Variants in GPR39 observed in about 807,000 individuals in gnomAD.
GPR39 encodes the protein G protein-coupled receptor 39, also known as zinc sensing receptor.
GPR39 carries 23 observed loss-of-function variants against 18.4 expected under a neutral mutation model. The ratio of observed to expected loss-of-function variants is 1.25; its 90% CI spans 0.90 to 1.77. The LOEUF (loss-of-function observed/expected upper bound fraction) is 1.77. Ranked by LOEUF, GPR39 falls within the 40% of genes most tolerant of loss-of-function variation. The probability of loss-of-function intolerance (pLI) is 0.00; values close to 1 mark genes in which losing one functional copy is unlikely to be tolerated. For missense variants in GPR39, 647 were observed against 602.4 expected, an observed-to-expected ratio of 1.07 and a Z score of -0.78; for synonymous variants, 280 against 257.9, an observed-to-expected ratio of 1.09 and a Z score of -0.82.
chr2:132,545,957 A>G (rs954313217), intron 1 of GPR39, among the ~76,000 whole-genome samples: 7 of 152,210 alleles, frequency 4.6e-5, no homozygotes, highest in African/African-American at 1.7e-4. Flanking sequence ...AGAGGCTAGC[A>G]GACGAAGCGA....
chr2:132,482,967 C>T (rs1246319169), intron 1 of GPR39, among the ~76,000 whole-genome samples: 1 of 152,130 alleles, frequency 6.6e-6, no homozygotes, highest in Non-Finnish European at 1.5e-5. Context: ...AATATCCCTG[C>T]ACTGTGCACG....
chr2:132,470,202 C>A (rs1681004677), intron 1 of GPR39, among the ~76,000 whole-genome samples: 1 of 152,162 alleles, frequency 6.6e-6, no homozygotes, highest in Non-Finnish European at 1.5e-5. Context: ...AACATCCTTC[C>A]AGTTAGTGGT....
In GPR39 at chr2:132,635,408, C is replaced by T. The variant is rs1213693107; in HGVS notation, c.857-9693C>T. On this transcript the variant is annotated intron_variant, in intron 1 of 1. Coordinates refer to ENST00000329321, the MANE Select transcript of GPR39 (RefSeq NM_001508.3). Reference sequence around the variant, plus strand: ...AGTAGGAATGAACATTCTTGGTGAACTCATAGAAGGGAACTTGATGTAGAC... The same window carrying T: ...AGTAGGAATGAACATTCTTGGTGAATTCATAGAAGGGAACTTGATGTAGAC... Among the ~76,000 whole-genome samples, 4 of 152,140 alleles carry T rather than the reference C, an allele frequency of 2.6e-5. No individual in the cohort carries two copies. In the South Asian group the frequency reaches 6.2e-4, roughly 24 times the overall value.
chr2:132,612,625 C>T (rs988216305), intron 1 of GPR39, among the ~76,000 whole-genome samples: 1 of 152,212 alleles, frequency 6.6e-6, no homozygotes, highest in Non-Finnish European at 1.5e-5. Flanking sequence ...TCTAAAGTGT[C>T]ACTGTGCCAT....
intron 1 of GPR39, among the ~76,000 whole-genome samples, chr2:132,620,086 C>T (rs1250288407): frequency 6.6e-6 from 1 of 152,218 alleles, no homozygotes; most frequent in Non-Finnish European, 1.5e-5. Flanking sequence ...GTCCCCATGC[C>T]TCAGTCAGCT....
intron 1 of GPR39, among the ~76,000 whole-genome samples, chr2:132,596,236 A>G (rs905883473): frequency 6.6e-6 from 1 of 152,098 alleles, no homozygotes; most frequent in Admixed American, 6.5e-5. Flanking sequence ...AACAGGTTGC[A>G]TGTGTTTGTT....
chr2:132,422,759 A>G (rs12471496), intron 1 of GPR39, among the ~76,000 whole-genome samples: 33,323 of 151,920 alleles, frequency 0.22, 3,999 homozygotes, highest in African/African-American at 0.27. Context: ...TCAGCCTGGC[A>G]GACAAATATA....
chr2:132,638,496 G>A (rs1052154564), intron 1 of GPR39, among the ~76,000 whole-genome samples: 1 of 152,184 alleles, frequency 6.6e-6, no homozygotes, highest in African/African-American at 2.4e-5. Context: ...GAATTTGCAT[G>A]TCTAAGAAGT....
At chr2:132,449,899 T>C (rs921919904) in intron 1 of GPR39, among the ~76,000 whole-genome samples, 1 of 152,190 alleles carries the variant, frequency 6.6e-6, no homozygotes, top group Admixed American at 6.5e-5. Flanking sequence ...TTACATCTCC[T>C]ACACCTTCTA....
intron 1 of GPR39, among the ~76,000 whole-genome samples, chr2:132,421,226 C>CA (rs1285253134): frequency 6.6e-6 from 1 of 152,182 alleles, no homozygotes; most frequent in Non-Finnish European, 1.5e-5. Context: ...GAGTTGTTCT[C>CA]AATGCAGATA....
intron 1 of GPR39, among the ~76,000 whole-genome samples, chr2:132,493,505 CAT>C (rs5834316): frequency 0.48 from 63,056 of 130,372 alleles, 17,236 homozygotes; most frequent in Non-Finnish European, 0.6. Flanking sequence ...ATATATACAC[CAT>C]ATATATATAT....
chr2:132,620,795 C>G (rs964104368), intron 1 of GPR39, among the ~76,000 whole-genome samples: 11 of 152,104 alleles, frequency 7.2e-5, no homozygotes, highest in Non-Finnish European at 1.0e-4. Flanking sequence ...CTCTGTCACC[C>G]AGGCTGGAGT....
At chr2:132,551,421 T>A (rs1288612151) in intron 1 of GPR39, among the ~76,000 whole-genome samples, 1 of 152,198 alleles carries the variant, frequency 6.6e-6, no homozygotes, top group Non-Finnish European at 1.5e-5. Context: ...CCCCAGGGCT[T>A]GACACATAAT....
At chr2:132,476,458 A>G (rs1454667551) in intron 1 of GPR39, among the ~76,000 whole-genome samples, 1 of 152,032 alleles carries the variant, frequency 6.6e-6, no homozygotes, top group Non-Finnish European at 1.5e-5. Context: ...CAACATGGTG[A>G]AACCCTGTCT....
intron 1 of GPR39, among the ~76,000 whole-genome samples, chr2:132,532,350 T>C (rs1679655171): frequency 6.6e-6 from 1 of 152,104 alleles, no homozygotes; most frequent in Non-Finnish European, 1.5e-5. Flanking sequence ...TGGCAATAAT[T>C]AATAGCTTAC....
Position 132,427,983 on chromosome 2 carries a change from A to G in GPR39, c.856+10085A>G, listed in dbSNP as rs911706635. On this transcript the variant is annotated intron_variant, in intron 1 of 1. Transcript: ENST00000329321. ...TATATTTATATTTAAATATATATATATTTAAAAGACAGCTGATGGGTTTTC... is the reference window on the plus strand; with the variant it reads ...TATATTTATATTTAAATATATATATGTTTAAAAGACAGCTGATGGGTTTTC... Among the ~76,000 whole-genome samples, 5 of 147,894 alleles carry G rather than the reference A, an allele frequency of 3.4e-5. No homozygotes were observed. The East Asian group carries it at 7.8e-4, about 23-fold the overall frequency.
At chr2:132,515,334 G>T (rs1327887743) in intron 1 of GPR39, among the ~76,000 whole-genome samples, 1 of 152,196 alleles carries the variant, frequency 6.6e-6, no homozygotes, top group Non-Finnish European at 1.5e-5. Context: ...TCCAACCAAG[G>T]TTTCCAAGGA....
intron 1 of GPR39, among the ~76,000 whole-genome samples, chr2:132,582,911 CTTTCTT>C (rs1179657300): frequency 2.5e-4 from 28 of 114,056 alleles, no homozygotes; most frequent in African/African-American, 6.6e-4. Flanking sequence ...AGATTTCTTT[CTTTCTT>C]TTTTTTTTTT....
At chr2:132,528,789 T>A (rs1679557073) in intron 1 of GPR39, among the ~76,000 whole-genome samples, 1 of 152,186 alleles carries the variant, frequency 6.6e-6, no homozygotes, top group African/African-American at 2.4e-5. Flanking sequence ...GATTTTATAT[T>A]CTGAAACTTT....
Sources: gnomAD v4.1 joint callset for allele counts (sites outside exome capture counted in the v4.1 genomes callset) on GRCh38, gnomAD v4.1.1 for gene constraint, MANE v1.5 for transcripts, NCBI Gene and HGNC (gene_info 2026-07-23, HGNC 2026-07-21) for gene names.